EFNA5: variants seen among roughly 807,000 people sequenced by gnomAD.
EFNA5 encodes ephrin-A5.
A neutral mutation model predicts 22.9 loss-of-function variants in EFNA5; 5 were observed. The observed-to-expected ratio is 0.22, with a 90% CI of 0.11 to 0.46. The LOEUF is 0.46. EFNA5 is among the 20% of genes least tolerant of loss of function. The pLI, the probability that EFNA5 is intolerant of heterozygous loss-of-function variation, is 0.99. For missense variants in EFNA5, 237 were observed against 293.3 expected (o/e 0.81, Z 1.40); for synonymous variants, 113 against 112.2 (o/e 1.01, Z -0.04).
intron 1 of EFNA5, among the ~76,000 whole-genome samples, chr5:107,448,855 AAAT>A (rs1356674182): frequency 8.6e-5 from 10 of 116,872 alleles, no homozygotes; most frequent in East Asian, 2.9e-4. Context: ...ATAAATAAAT[AAAT>A]AAATAAATAA....
chr5:107,537,272 T>C (rs540007535), intron 1 of EFNA5, among the ~76,000 whole-genome samples: 2 of 151,994 alleles, frequency 1.3e-5, no homozygotes, highest in Admixed American at 1.3e-4. Context: ...GGTGGGTGGA[T>C]CACTTGAGGT....
Position 107,522,165 on chromosome 5 carries a change from A to G in EFNA5, c.126-94656T>C, listed in dbSNP as rs866112701. On this transcript the variant is annotated intron_variant, in intron 1 of 4. Transcript: ENST00000333274. ...AACATGACAAAAAGTACTCTAGTGC[A>G]GTAACTTTTTATATGAATTTGTACT... Among the ~76,000 whole-genome samples, 6 of 152,358 alleles carry G rather than the reference A, an allele frequency of 3.9e-5. No homozygotes were observed. In the South Asian group the frequency reaches 6.2e-4, roughly 16 times the overall value.
chr5:107,660,943 C>T (rs890300178), intron 1 of EFNA5, among the ~76,000 whole-genome samples: 8 of 151,958 alleles, frequency 5.3e-5, no homozygotes, highest in African/African-American at 9.6e-5. Context: ...CTGAAATAGG[C>T]GTAAAAGTTT....
intron 1 of EFNA5, among the ~76,000 whole-genome samples, chr5:107,643,008 T>C (rs753978613): frequency 1.3e-5 from 2 of 151,600 alleles, no homozygotes; most frequent in African/African-American, 4.9e-5. Context: ...CTTTTCCTGA[T>C]TGAGTCTCAG....
chr5:107,450,703 C>A (rs1022332186), intron 1 of EFNA5, among the ~76,000 whole-genome samples: 2 of 152,182 alleles, frequency 1.3e-5, no homozygotes, highest in Non-Finnish European at 2.9e-5. Context: ...TTCACATGAA[C>A]CAGACTCTGT....
intron 1 of EFNA5, among the ~76,000 whole-genome samples, chr5:107,543,814 T>A (rs1438042524): frequency 6.6e-6 from 1 of 152,220 alleles, no homozygotes; most frequent in East Asian, 1.9e-4. Context: ...TTAGCCTTGG[T>A]GAAATGATCG....
At chr5:107,449,193 C>A (rs770100172) in intron 1 of EFNA5, among the ~76,000 whole-genome samples, 7 of 152,226 alleles carry the variant, frequency 4.6e-5, no homozygotes, top group East Asian at 1.9e-4. Flanking sequence ...ACTGAGACTA[C>A]GGCTAATTCT....
At chr5:107,633,613 A>T (rs772141616) in intron 1 of EFNA5, among the ~76,000 whole-genome samples, 1 of 152,216 alleles carries the variant, frequency 6.6e-6, no homozygotes, top group Non-Finnish European at 1.5e-5. Context: ...GATTATGATG[A>T]TAAATAATTT....
intron 2 of EFNA5, among the ~76,000 whole-genome samples, chr5:107,400,779 T>C (rs1345022066): frequency 2.6e-5 from 4 of 152,248 alleles, no homozygotes; most frequent in African/African-American, 7.2e-5. Flanking sequence ...TCTTCACAGA[T>C]TGATTTGCTA....
intron 1 of EFNA5, among the ~76,000 whole-genome samples, chr5:107,527,892 C>G (rs550733741): frequency 6.6e-6 from 1 of 152,226 alleles, no homozygotes; most frequent in Admixed American, 6.5e-5. Context: ...GGGCCTTCTC[C>G]TCCCCCTCAG....
chr5:107,648,353 T>C (rs1488897431), intron 1 of EFNA5, among the ~76,000 whole-genome samples: 1 of 152,214 alleles, frequency 6.6e-6, no homozygotes, highest in South Asian at 2.1e-4. Context: ...AATACTTATA[T>C]TGCATAATTG....
chr5:107,578,395 G>A (rs565405629), intron 1 of EFNA5, among the ~76,000 whole-genome samples: 19 of 152,048 alleles, frequency 1.2e-4, no homozygotes, highest in Non-Finnish European at 2.5e-4. Context: ...GGGTGGTTTC[G>A]GGCAAGGAGT....
intron 2 of EFNA5, among the ~76,000 whole-genome samples, chr5:107,391,515 C>T (rs969207172): frequency 2.6e-5 from 4 of 151,858 alleles, no homozygotes; most frequent in African/African-American, 9.7e-5. Context: ...GACTTGCAAA[C>T]AGGTGAAAAA....
chr5:107,506,534 G>A (rs551745072), intron 1 of EFNA5, among the ~76,000 whole-genome samples: 403 of 152,260 alleles, frequency 2.6e-3, no homozygotes, highest in African/African-American at 8.8e-3. Flanking sequence ...CAGATGACTG[G>A]AAAAGAGGAG....
Position 107,381,627 on chromosome 5 carries a change from G to A in EFNA5, c.566-251C>T, listed in dbSNP as rs897221772. Among the ~76,000 whole-genome samples, 5 of 152,210 alleles carry A rather than the reference G, an allele frequency of 3.3e-5. No individual in the cohort carries two copies. In the South Asian group the frequency reaches 6.2e-4, roughly 19 times the overall value. On this transcript the variant is annotated intron_variant, in intron 4 of 4. Transcript: ENST00000333274. ...TGAGGGGAAAAATTATGCATACACC[G>A]TAACCTTTGGCCTGTGAGCTGCTTT...
At chr5:107,561,457 C>G (rs1748542235) in intron 1 of EFNA5, among the ~76,000 whole-genome samples, 1 of 152,120 alleles carries the variant, frequency 6.6e-6, no homozygotes, top group Non-Finnish European at 1.5e-5. Context: ...CAACCTCCAC[C>G]TCCTGGGTTC....
intron 1 of EFNA5, among the ~76,000 whole-genome samples, chr5:107,466,253 A>G (rs1202496144): frequency 6.6e-6 from 1 of 152,154 alleles, no homozygotes; most frequent in Non-Finnish European, 1.5e-5. Flanking sequence ...ACGGCTCATA[A>G]GTCGTGTTAA....
chr5:107,510,642 G>A (rs923412451), intron 1 of EFNA5, among the ~76,000 whole-genome samples: 1 of 152,120 alleles, frequency 6.6e-6, no homozygotes, highest in African/African-American at 2.4e-5. Flanking sequence ...TGCTTAGTAC[G>A]TTTTCTTGAA....
intron 1 of EFNA5, among the ~76,000 whole-genome samples, chr5:107,506,587 T>A (rs950648997): frequency 6.6e-6 from 1 of 152,006 alleles, no homozygotes; most frequent in Admixed American, 6.6e-5. Context: ...AGCAGGGGAT[T>A]TGAGAAATGA....
Sources: allele counts gnomAD v4.1 joint callset (sites outside exome capture counted in the v4.1 genomes callset), GRCh38; gene constraint gnomAD v4.1.1; transcripts MANE v1.5; gene names NCBI Gene and HGNC (gene_info 2026-07-23, HGNC 2026-07-21).